PTPRJ: variants seen among roughly 807,000 people sequenced by gnomAD.
PTPRJ encodes the protein receptor-type tyrosine-protein phosphatase eta.
PTPRJ carries 129 observed loss-of-function variants against 141.3 expected under a neutral mutation model. That is an observed-to-expected ratio of 0.91 (90% CI 0.79 to 1.06). PTPRJ has a LOEUF of 1.06. Among genes scored for constraint, PTPRJ ranks in the 50% least tolerant of loss-of-function variants. The probability of loss-of-function intolerance (pLI) is 0.00; values close to 1 mark genes in which losing one functional copy is unlikely to be tolerated. For missense variants in PTPRJ, 1,601 were observed against 1,679.7 expected (o/e 0.95, Z 0.82); for synonymous variants, 610 against 640.5 (o/e 0.95, Z 0.72).
intron 1 of PTPRJ, among the ~76,000 whole-genome samples, chr11:48,004,635 G>C (rs1335058933): frequency 6.6e-6 from 1 of 152,138 alleles, no homozygotes; most frequent in Admixed American, 6.6e-5. Flanking sequence ...TGCTGCTGTG[G>C]CAGTGAATGT....
chr11:48,056,920 C>T (rs1273816711), intron 1 of PTPRJ, among the ~76,000 whole-genome samples: 1 of 152,240 alleles, frequency 6.6e-6, no homozygotes, highest in Non-Finnish European at 1.5e-5. Context: ...TGCTATAGCA[C>T]TCCATTCTGG....
At chr11:48,131,653 C>T (rs1856986929) in intron 8 of PTPRJ, 1 of 609,582 alleles carries the variant, frequency 1.6e-6, no homozygotes, top group Non-Finnish European at 3.0e-6. Flanking sequence ...TGCTTATGTA[C>T]TGTCTATGGC....
chr11:48,042,019 G>A (rs951403108), intron 1 of PTPRJ, among the ~76,000 whole-genome samples: 1 of 150,494 alleles, frequency 6.6e-6, no homozygotes, highest in African/African-American at 2.4e-5. Flanking sequence ...AGAGAGAGAG[G>A]AAGGCTTTTC....
chr11:48,018,067 G>A (rs1854995172), intron 1 of PTPRJ, among the ~76,000 whole-genome samples: 1 of 152,092 alleles, frequency 6.6e-6, no homozygotes, highest in Non-Finnish European at 1.5e-5. Context: ...GCTTATTTAT[G>A]TGAAACTTGG....
At position 48,144,702 on chromosome 11, in the gene PTPRJ, A is replaced by G. The variant is rs1164988675; in HGVS notation, c.2603A>G (p.Lys868Arg). ...GGTCACCCTTCTGCAGATGTCCTGA[A>G]ATACACGTATGAGGATTTCAAAAAG... ...EAGHPSADVLKYTYEDFKKGA... is the reference protein window; with the variant it reads ...EAGHPSADVLRYTYEDFKKGA... The change falls in exon 13 of 25, where the codon AAA (lysine) becomes AGA (arginine). Residue 868 changes from lysine (K) to arginine (R), a missense_variant. Lys to Arg is a conservative substitution (Grantham distance 26). Coordinates refer to ENST00000418331, the MANE Select transcript of PTPRJ (RefSeq NM_002843.4). 1.9e-6 allele frequency: 3 copies of G among 1,614,080 alleles called. No individual in the cohort carries two copies. Among genetic ancestry groups the G allele is most frequent in the Admixed American group, 1.7e-5 (1 of 60,016 alleles).
intron 1 of PTPRJ, 72 bp downstream of exon 1, chr11:47,981,080 G>T (rs566221989): frequency 1.9e-5 from 23 of 1,190,932 alleles, no homozygotes; most frequent in African/African-American, 4.8e-5. Flanking sequence ...ACCTGCCCGA[G>T]CGTACCCCCC....
intron 1 of PTPRJ, among the ~76,000 whole-genome samples, chr11:48,077,023 A>G (rs911697379): frequency 7.2e-5 from 11 of 152,072 alleles, no homozygotes; most frequent in African/African-American, 1.9e-4. Context: ...ACGGGCCACT[A>G]TGCCCGGCTA....
At chr11:48,066,490 C>T (rs1020842211) in intron 1 of PTPRJ, among the ~76,000 whole-genome samples, 1 of 151,900 alleles carries the variant, frequency 6.6e-6, no homozygotes, top group Admixed American at 6.6e-5. Context: ...CAGATCTCCC[C>T]TCTCCACTGT....
chr11:48,009,068 G>A (rs930781090), intron 1 of PTPRJ, among the ~76,000 whole-genome samples: 2 of 152,166 alleles, frequency 1.3e-5, no homozygotes, highest in African/African-American at 4.8e-5. Flanking sequence ...GGGTTGCAGG[G>A]TTTCCCCCTG....
chr11:48,092,227 G>T (rs1478358526), intron 1 of PTPRJ, among the ~76,000 whole-genome samples: 2 of 148,720 alleles, frequency 1.3e-5, no homozygotes, highest in African/African-American at 5.0e-5. Flanking sequence ...CCTGGGAGGC[G>T]GGGGTTGCAG....
chr11:48,032,543 T>C (rs1368536216), intron 1 of PTPRJ, among the ~76,000 whole-genome samples: 1 of 152,068 alleles, frequency 6.6e-6, no homozygotes, highest in Admixed American at 6.5e-5. Flanking sequence ...GTGGATCGCC[T>C]GAGGTCAGGA....
At chr11:48,056,653 C>T (rs1401333528) in intron 1 of PTPRJ, among the ~76,000 whole-genome samples, 1 of 152,152 alleles carries the variant, frequency 6.6e-6, no homozygotes, top group Non-Finnish European at 1.5e-5. Context: ...CTCTGTTTTA[C>T]AGATGCTAAA....
rs868473270 is a variant in PTPRJ, at chr11:48,088,917, C to T, written c.97-21141C>T. ...GAAACGCATGTTGTATTGGCTTCTGCCAAGTCAGCTCACATGCTTTGTTTT... is the reference window on the plus strand; with the variant it reads ...GAAACGCATGTTGTATTGGCTTCTGTCAAGTCAGCTCACATGCTTTGTTTT... On this transcript the variant is annotated intron_variant, in intron 1 of 24. Transcript: ENST00000418331. 3.3e-5 allele frequency among the ~76,000 whole-genome samples: 5 copies of T among 152,298 alleles called. No homozygotes were observed. The South Asian group carries it at 1.0e-3, about 32-fold the overall frequency.
chr11:48,167,118 G>A, intron 24 of PTPRJ, 86 bp from the exon 25 acceptor site: 2 of 1,324,822 alleles, frequency 1.5e-6, no homozygotes, highest in Middle Eastern at 2.3e-4. Context: ...GTTGGGCGGG[G>A]GAATGACCTG....
At chr11:48,074,217 G>GA (rs202124183) in intron 1 of PTPRJ, among the ~76,000 whole-genome samples, 3,531 of 151,546 alleles carry the variant, frequency 0.023, 141 homozygotes, top group African/African-American at 0.081. Context: ...ACTAAAAAAA[G>GA]AAAAAAAAGT....
At position 48,168,280 on chromosome 11, in the gene PTPRJ, T is replaced by C. The variant is rs929398394; in HGVS notation, c.*918T>C. 1.3e-5 allele frequency: 2 copies of C among 151,914 alleles called. No homozygotes were observed. Among genetic ancestry groups the C allele is most frequent in the African/African-American group, 4.8e-5 (2 of 41,362 alleles). The allele number at this position is 151,914 out of a possible 1,614,324, so 9.4% of individuals were successfully genotyped here. A position where few individuals can be genotyped will look rare whatever the true frequency, so the allele number is the denominator to read the frequency against. On this transcript the variant is annotated 3_prime_UTR_variant, in exon 25 of 25. Transcript: ENST00000418331. ...TGTCCCTGTATTATCCTTTTTCTCA[T>C]GTCTGTATTTGGTATGAAGGATTAT...
intron 1 of PTPRJ, among the ~76,000 whole-genome samples, chr11:48,018,945 G>C (rs182723939): frequency 6.6e-6 from 1 of 152,284 alleles, no homozygotes; most frequent in Non-Finnish European, 1.5e-5. Flanking sequence ...TGGTGGGGAG[G>C]GGGGCAGGGG....
chr11:48,147,226 AGTCAGTTTCATAGTATTAT>A (rs1857374792), intron 15 of PTPRJ, among the ~76,000 whole-genome samples: 1 of 152,192 alleles, frequency 6.6e-6, no homozygotes, highest in African/African-American at 2.4e-5. Context: ...CTTGTTTACA[AGTCAGTTTCATAGTATTAT>A]GATGTTAAGA....
chr11:48,045,250 A>G, intron 1 of PTPRJ, among the ~76,000 whole-genome samples: 1 of 152,160 alleles, frequency 6.6e-6, no homozygotes, highest in South Asian at 2.1e-4. Context: ...GATCCCAGAC[A>G]GGTTTTGGGA....
Sources: allele counts gnomAD v4.1 joint callset (sites outside exome capture counted in the v4.1 genomes callset), GRCh38; gene constraint gnomAD v4.1.1; transcripts MANE v1.5; gene names NCBI Gene and HGNC (gene_info 2026-07-23, HGNC 2026-07-21).